PRKAG2: variants seen among roughly 807,000 people sequenced by gnomAD.
The protein encoded by PRKAG2 is protein kinase AMP-activated non-catalytic subunit gamma 2.
In PRKAG2, 26 loss-of-function variants were observed where a neutral mutation model predicts 69.6. That is an observed-to-expected ratio of 0.37 (90% CI 0.27 to 0.52). PRKAG2 has a LOEUF of 0.52. Ranked by LOEUF, PRKAG2 falls within the 20% of genes least tolerant of loss-of-function variation. PRKAG2 has a pLI of 0.90. For missense variants in PRKAG2, 557 were observed against 740.0 expected (o/e 0.75, Z 2.87); for synonymous variants, 293 against 285.0 (o/e 1.03, Z -0.28).
At chr7:151,745,116 G>T (rs890757748) in intron 3 of PRKAG2, among the ~76,000 whole-genome samples, 1 of 152,162 alleles carries the variant, frequency 6.6e-6, no homozygotes, top group Non-Finnish European at 1.5e-5. Flanking sequence ...GTGGACGGCT[G>T]CAGAAGCAGG....
At chr7:151,767,837 A>ATG (rs1563629152) in intron 3 of PRKAG2, among the ~76,000 whole-genome samples, 9 of 151,534 alleles carry the variant, frequency 5.9e-5, no homozygotes, top group Admixed American at 5.9e-4. Flanking sequence ...GAACTGGCCA[A>ATG]AAGCTCTGGT....
At chr7:151,634,937 C>G (rs2151339031) in intron 4 of PRKAG2, among the ~76,000 whole-genome samples, 1 of 142,580 alleles carries the variant, frequency 7.0e-6, no homozygotes, top group East Asian at 2.0e-4. Flanking sequence ...AATGGAACCA[C>G]TGTTTTTTTT....
chr7:151,639,198 G>C (rs1197156264), intron 4 of PRKAG2, among the ~76,000 whole-genome samples: 3 of 152,130 alleles, frequency 2.0e-5, no homozygotes, highest in Non-Finnish European at 4.4e-5. Context: ...CCAGTCCTCT[G>C]GGTCTTGCCG....
chr7:151,756,696 C>T lies in PRKAG2; in HGVS notation c.466+24456G>A, dbSNP rs2075115750. 6.6e-6 allele frequency among the ~76,000 whole-genome samples: 1 copy of T among 152,160 alleles called. No individual in the cohort carries two copies. Among genetic ancestry groups the T allele is most frequent in the Non-Finnish European group, 1.5e-5 (1 of 68,022 alleles). ...GCCCCGCCAGGGCTCCCAGCGCCGC[C>T]CTCTTCCCTTCTCCCACCTGGGGTG... On this transcript the variant is annotated intron_variant, in intron 3 of 15. Coordinates refer to ENST00000287878, the MANE Select transcript of PRKAG2 (RefSeq NM_016203.4). This position sits in a 1 kb window ranked among gnomAD's most constrained non-coding sequence, Gnocchi z 4.9.
At chr7:151,597,807 T>C (rs1233063748) in intron 5 of PRKAG2, among the ~76,000 whole-genome samples, 3 of 133,520 alleles carry the variant, frequency 2.2e-5, no homozygotes, top group Non-Finnish European at 4.7e-5. Context: ...GCTGAGGATG[T>C]GGACAAAAGG....
At chr7:151,639,252 A>G (rs1826260935) in intron 4 of PRKAG2, among the ~76,000 whole-genome samples, 1 of 152,038 alleles carries the variant, frequency 6.6e-6, no homozygotes. Context: ...CATCCCTGCT[A>G]CACCTCCCCT....
Position 151,810,347 on chromosome 7 carries a change from G to C in PRKAG2, c.115-23806C>G, listed in dbSNP as rs138623235. The C allele has an allele frequency of 3.3e-4, 51 of 152,364 alleles. No individual in the cohort carries two copies. In the East Asian group the frequency reaches 8.5e-3, roughly 25 times the overall value. 9.4% of individuals were successfully genotyped at this position (152,364 alleles called of 1,614,324 possible). ...AAGAAAAGCCCACAAGGTTTCCGAGGCTTGGTGCTGTTTCTCACTGTCCTC... is the reference window on the plus strand; with the variant it reads ...AAGAAAAGCCCACAAGGTTTCCGAGCCTTGGTGCTGTTTCTCACTGTCCTC... On this transcript the variant is annotated intron_variant, in intron 1 of 15. Coordinates refer to ENST00000287878, the MANE Select transcript of PRKAG2 (RefSeq NM_016203.4).
chr7:151,642,307 C>T (rs1826866967), intron 4 of PRKAG2, among the ~76,000 whole-genome samples: 1 of 152,154 alleles, frequency 6.6e-6, no homozygotes, highest in African/African-American at 2.4e-5. Context: ...CGCGCCACTG[C>T]ACTCCAGCCT....
chr7:151,689,257 A>T (rs1288506785), intron 3 of PRKAG2, among the ~76,000 whole-genome samples: 2 of 152,122 alleles, frequency 1.3e-5, no homozygotes, highest in East Asian at 3.9e-4. Flanking sequence ...GGCCTCCCAC[A>T]ATGGTCCCAT....
intron 1 of PRKAG2, among the ~76,000 whole-genome samples, chr7:151,857,200 C>T (rs964662223): frequency 6.7e-6 from 1 of 149,814 alleles, no homozygotes. Flanking sequence ...CTGCGGAAGA[C>T]GGTGTGGGAG....
intron 8 of PRKAG2, among the ~76,000 whole-genome samples, chr7:151,574,238 C>T (rs1476757717): frequency 6.6e-6 from 1 of 152,064 alleles, no homozygotes; most frequent in Non-Finnish European, 1.5e-5. Flanking sequence ...CTGTCCTTCC[C>T]CCCACCCTCA....
intron 14 of PRKAG2, among the ~76,000 whole-genome samples, chr7:151,563,794 C>T (rs928819395): frequency 2.0e-5 from 3 of 152,222 alleles, no homozygotes; most frequent in Admixed American, 6.5e-5. Flanking sequence ...GTCGTCCACA[C>T]TGTCAAACAT....
At chr7:151,656,485 G>A (rs1190815070) in intron 4 of PRKAG2, among the ~76,000 whole-genome samples, 1 of 152,202 alleles carries the variant, frequency 6.6e-6, no homozygotes, top group Non-Finnish European at 1.5e-5. Flanking sequence ...GAATCCAGGA[G>A]GTGGAGGTTA....
intron 3 of PRKAG2, among the ~76,000 whole-genome samples, chr7:151,704,222 TTAAG>T (rs981065099): frequency 1.3e-3 from 201 of 152,322 alleles, no homozygotes; most frequent in African/African-American, 4.6e-3. Context: ...ATTACACTTT[TTAAG>T]TTATTTTAAA....
At chr7:151,866,534 T>G (rs1014897379) in intron 1 of PRKAG2, among the ~76,000 whole-genome samples, 1 of 152,184 alleles carries the variant, frequency 6.6e-6, no homozygotes, top group Non-Finnish European at 1.5e-5. Context: ...CCACCCCAGA[T>G]GGTATCTGAT....
At chr7:151,585,096 T>C (rs1811327432) in intron 6 of PRKAG2, among the ~76,000 whole-genome samples, 1 of 151,958 alleles carries the variant, frequency 6.6e-6, no homozygotes, top group Non-Finnish European at 1.5e-5. Flanking sequence ...AATAAAATCA[T>C]ATATAAAGGC....
chr7:151,672,105 G>C (rs904286728), intron 4 of PRKAG2, among the ~76,000 whole-genome samples: 3 of 149,384 alleles, frequency 2.0e-5, no homozygotes, highest in African/African-American at 7.4e-5. Context: ...GCCACCATTT[G>C]AACTATTTTT....
Position 151,835,963 on chromosome 7 carries a change from T to C in PRKAG2, c.114+40544A>G, listed in dbSNP as rs2151881056. Among the ~76,000 whole-genome samples the C allele has an allele frequency of 6.6e-6, 1 of 152,314 alleles. No homozygotes were observed. Among genetic ancestry groups the C allele is most frequent in the Non-Finnish European group, 1.5e-5 (1 of 68,018 alleles). Reference sequence around the variant, plus strand: ...GACGAGGCCAATCCACGGGCATTGATTGCTCCATGGACCAGCGTGTCTGAG... The same window carrying C: ...GACGAGGCCAATCCACGGGCATTGACTGCTCCATGGACCAGCGTGTCTGAG... On this transcript the variant is annotated intron_variant, in intron 1 of 15. Coordinates refer to ENST00000287878, the MANE Select transcript of PRKAG2 (RefSeq NM_016203.4). This position sits in a 1 kb window ranked among gnomAD's most constrained non-coding sequence, Gnocchi z 4.1.
chr7:151,564,334 G>C (rs911239331), intron 13 of PRKAG2, 110 bp from the exon 14 acceptor site: 2 of 1,178,416 alleles, frequency 1.7e-6, no homozygotes, highest in Admixed American at 1.7e-5. Context: ...ATGCTTATCT[G>C]AATTTAGTAC....
Sources: gnomAD v4.1 joint callset for allele counts (sites outside exome capture counted in the v4.1 genomes callset) on GRCh38, gnomAD v4.1.1 for gene constraint, Gnocchi (gnomAD v3.1) non-coding constraint, MANE v1.5 for transcripts, NCBI Gene and HGNC (gene_info 2026-07-23, HGNC 2026-07-21) for gene names.